PPM1E: variants seen among roughly 807,000 people sequenced by gnomAD.
The protein encoded by PPM1E is protein phosphatase 1E.
In PPM1E, 20 loss-of-function variants were observed where a neutral mutation model predicts 65.9. That is an observed-to-expected ratio of 0.30 (90% CI 0.21 to 0.44). PPM1E has a LOEUF of 0.44. PPM1E is among the 20% of genes least tolerant of loss of function. The pLI, the probability that PPM1E is intolerant of heterozygous loss-of-function variation, is 1.00. For missense variants in PPM1E, 713 were observed against 953.1 expected, an observed-to-expected ratio of 0.75 and a Z score of 3.32; for synonymous variants, 352 against 374.9, an observed-to-expected ratio of 0.94 and a Z score of 0.70.
chr17:58,909,366 C>T (rs2051596524), intron 1 of PPM1E, among the ~76,000 whole-genome samples: 1 of 152,142 alleles, frequency 6.6e-6, no homozygotes, highest in African/African-American at 2.4e-5. Context: ...AAGCAATCCT[C>T]CTGCCTCAGC....
chr17:58,848,396 A>G (rs1235061354), intron 1 of PPM1E, among the ~76,000 whole-genome samples: 2 of 152,152 alleles, frequency 1.3e-5, no homozygotes, highest in Non-Finnish European at 1.5e-5. Context: ...TTAGTATGAT[A>G]TTGGCTGTGG....
chr17:58,945,082 C>T (rs2052128819), intron 1 of PPM1E, among the ~76,000 whole-genome samples: 1 of 151,428 alleles, frequency 6.6e-6, no homozygotes, highest in Admixed American at 6.6e-5. Flanking sequence ...TTAGCATTTC[C>T]CTAATGACTA....
chr17:58,766,198 T>G (rs1267185160), intron 1 of PPM1E, among the ~76,000 whole-genome samples: 3 of 83,326 alleles, frequency 3.6e-5, no homozygotes, highest in African/African-American at 2.0e-4. Flanking sequence ...TAATTTCTGT[T>G]TTTTTTTTTT....
chr17:58,882,934 A>G (rs1469191262), intron 1 of PPM1E, among the ~76,000 whole-genome samples: 2 of 119,882 alleles, frequency 1.7e-5, no homozygotes, highest in South Asian at 2.7e-4. Context: ...TAAGGTTTTC[A>G]TTTTTGTTAT....
intron 1 of PPM1E, among the ~76,000 whole-genome samples, chr17:58,921,387 G>C (rs779212047): frequency 6.6e-6 from 1 of 152,090 alleles, no homozygotes; most frequent in Non-Finnish European, 1.5e-5. Flanking sequence ...AGAGGGGATA[G>C]AATCCAGTAG....
chr17:58,811,007 G>A (rs1412214925), intron 1 of PPM1E, among the ~76,000 whole-genome samples: 2 of 152,006 alleles, frequency 1.3e-5, no homozygotes, highest in Admixed American at 6.6e-5. Context: ...ACAGGCACGC[G>A]CTACTATGCC....
chr17:58,974,366 T>C (rs1229587871), intron 6 of PPM1E, among the ~76,000 whole-genome samples: 1 of 152,194 alleles, frequency 6.6e-6, no homozygotes, highest in Non-Finnish European at 1.5e-5. Flanking sequence ...ACCTGTCAGA[T>C]AACCCTGGAG....
intron 6 of PPM1E, among the ~76,000 whole-genome samples, chr17:58,977,503 T>C (rs986284550): frequency 6.6e-6 from 1 of 150,622 alleles, no homozygotes; most frequent in East Asian, 2.0e-4. Flanking sequence ...ATGAGTAAGA[T>C]GAGAGGTTGT....
intron 1 of PPM1E, among the ~76,000 whole-genome samples, chr17:58,892,041 G>A (rs1447770164): frequency 6.6e-6 from 1 of 151,794 alleles, no homozygotes; most frequent in African/African-American, 2.4e-5. Context: ...TTGCCATGTT[G>A]GCCAGGCTGG....
chr17:58,774,954 G>A (rs1008025655), intron 1 of PPM1E, among the ~76,000 whole-genome samples: 5 of 151,870 alleles, frequency 3.3e-5, no homozygotes, highest in Admixed American at 2.6e-4. Context: ...CTGGGTTCAA[G>A]CGATTCTCCT....
At chr17:58,858,298 C>A (rs1406214893) in intron 1 of PPM1E, among the ~76,000 whole-genome samples, 4 of 151,972 alleles carry the variant, frequency 2.6e-5, no homozygotes, top group Non-Finnish European at 5.9e-5. Context: ...AAATGTTTAT[C>A]ATTTCTTTGT....
intron 1 of PPM1E, among the ~76,000 whole-genome samples, chr17:58,904,160 AC>A (rs1392979438): frequency 6.6e-6 from 1 of 152,192 alleles, no homozygotes; most frequent in Non-Finnish European, 1.5e-5. Context: ...TAAAAAAGGT[AC>A]TATGAAAGTA....
intron 1 of PPM1E, among the ~76,000 whole-genome samples, chr17:58,869,387 G>A (rs1302442242): frequency 6.6e-6 from 1 of 152,134 alleles, no homozygotes; most frequent in Non-Finnish European, 1.5e-5. Flanking sequence ...GCTCATGGGG[G>A]CAGATCATTT....
chr17:58,844,272 C>T (rs2065230951), intron 1 of PPM1E, among the ~76,000 whole-genome samples: 1 of 151,584 alleles, frequency 6.6e-6, no homozygotes. Context: ...TTAAAAGTTA[C>T]CAATGTTTCT....
At chr17:58,885,296 A>G (rs985533289) in intron 1 of PPM1E, among the ~76,000 whole-genome samples, 4 of 152,160 alleles carry the variant, frequency 2.6e-5, no homozygotes, top group African/African-American at 9.7e-5. Context: ...ACCTCAGGTG[A>G]TCTGCCCGCC....
chr17:58,922,118 G>A (rs1179825956), intron 1 of PPM1E, among the ~76,000 whole-genome samples: 1 of 150,628 alleles, frequency 6.6e-6, no homozygotes, highest in Admixed American at 6.6e-5. Context: ...TATGATGAGA[G>A]CTTACGTGAG....
chr17:58,772,869 C>T (rs978687634), intron 1 of PPM1E, among the ~76,000 whole-genome samples: 1 of 152,046 alleles, frequency 6.6e-6, no homozygotes, highest in African/African-American at 2.4e-5. Flanking sequence ...AAACAACATA[C>T]CAAATAATCA....
chr17:58,830,283 GTTGTTGTTGTTA>G (rs1448620376), intron 1 of PPM1E, among the ~76,000 whole-genome samples: 1 of 128,174 alleles, frequency 7.8e-6, no homozygotes, highest in Non-Finnish European at 1.7e-5. Flanking sequence ...CACTGTTGTT[GTTGTTGTTGTTA>G]TTATTATTAT....
At chr17:58,844,581 G>T (rs776590030) in intron 1 of PPM1E, among the ~76,000 whole-genome samples, 1 of 152,172 alleles carries the variant, frequency 6.6e-6, no homozygotes, top group Non-Finnish European at 1.5e-5. Flanking sequence ...AATAGCCGAG[G>T]TGGGCATTCA....
Sources: allele counts gnomAD v4.1 joint callset (sites outside exome capture counted in the v4.1 genomes callset), GRCh38; gene constraint gnomAD v4.1.1; transcripts MANE v1.5; gene names NCBI Gene and HGNC (gene_info 2026-07-23, HGNC 2026-07-21).